The following ADK variants were observed in gnomAD, a reference collection of about 807,000 sequenced individuals.
ADK encodes the protein adenosine kinase.
ADK carries 24 observed loss-of-function variants against 44.7 expected under a neutral mutation model. The ratio of observed to expected loss-of-function variants is 0.54; its 90% CI spans 0.39 to 0.76. ADK has a LOEUF of 0.76. Among genes scored for constraint, ADK ranks in the 30% least tolerant of loss-of-function variants. The probability of loss-of-function intolerance (pLI) is 0.00; values close to 1 mark genes in which losing one functional copy is unlikely to be tolerated. For missense variants in ADK, 321 were observed against 425.1 expected (o/e 0.76, Z 2.15); for synonymous variants, 128 against 142.6 (o/e 0.90, Z 0.73).
intron 9 of ADK, among the ~76,000 whole-genome samples, chr10:74,642,430 T>G (rs1853894352): frequency 6.6e-6 from 1 of 151,306 alleles, no homozygotes; most frequent in Admixed American, 6.6e-5. Context: ...GTTTCAAACT[T>G]CTGGGCTCAA....
At chr10:74,707,082 T>G (rs948528439) in intron 10 of ADK, among the ~76,000 whole-genome samples, 1 of 152,176 alleles carries the variant, frequency 6.6e-6, no homozygotes, top group Non-Finnish European at 1.5e-5. Flanking sequence ...GTTACCCAGG[T>G]TGGGGTGCAG....
At chr10:74,502,292 C>G (rs1450314495) in intron 6 of ADK, among the ~76,000 whole-genome samples, 1 of 151,812 alleles carries the variant, frequency 6.6e-6, no homozygotes, top group Non-Finnish European at 1.5e-5. Flanking sequence ...TAAAAGTAAA[C>G]TAACATAAAA....
chr10:74,406,947 G>A (rs1410049310), intron 6 of ADK, among the ~76,000 whole-genome samples: 2 of 150,984 alleles, frequency 1.3e-5, no homozygotes, highest in African/African-American at 4.9e-5. Context: ...CCAAAGTGCT[G>A]GGATTACAGG....
At chr10:74,625,598 C>A (rs1469487765) in intron 9 of ADK, among the ~76,000 whole-genome samples, 7 of 152,000 alleles carry the variant, frequency 4.6e-5, no homozygotes, top group Middle Eastern at 6.3e-3. Context: ...AGATGAAAAT[C>A]CTTTTTTTAA....
At chr10:74,696,870 G>A (rs1181305133) in intron 10 of ADK, among the ~76,000 whole-genome samples, 1 of 152,124 alleles carries the variant, frequency 6.6e-6, no homozygotes, top group Non-Finnish European at 1.5e-5. Context: ...GATGGCCATG[G>A]AGCTGCTATG....
At chr10:74,606,243 A>G (rs1332620936) in intron 9 of ADK, among the ~76,000 whole-genome samples, 1 of 151,358 alleles carries the variant, frequency 6.6e-6, no homozygotes, top group Non-Finnish European at 1.5e-5. Context: ...TAACTCCTTC[A>G]CCTCTGCTCT....
At chr10:74,497,913 G>A (rs192816872) in intron 6 of ADK, among the ~76,000 whole-genome samples, 7 of 150,816 alleles carry the variant, frequency 4.6e-5, no homozygotes, top group Middle Eastern at 3.4e-3. Flanking sequence ...TTTTTGAGAC[G>A]GAGTCTCACT....
At chr10:74,342,382 CT>C (rs1841609006) in intron 4 of ADK, among the ~76,000 whole-genome samples, 1 of 152,058 alleles carries the variant, frequency 6.6e-6, no homozygotes, top group South Asian at 2.1e-4. Flanking sequence ...ATATTATTTT[CT>C]TTTTGATGCT....
At chr10:74,459,790 CA>C (rs989515364) in intron 6 of ADK, among the ~76,000 whole-genome samples, 1 of 149,790 alleles carries the variant, frequency 6.7e-6, no homozygotes, top group Non-Finnish European at 1.5e-5. Context: ...TCTCTGTAGT[CA>C]AAAGTCAAAC....
At chr10:74,302,119 T>TTTTTTTTTTTTTTTTTG (rs1840072106) in intron 3 of ADK, among the ~76,000 whole-genome samples, 1 of 24,936 alleles carries the variant, frequency 4.0e-5, no homozygotes, top group African/African-American at 1.3e-4. Flanking sequence ...GTTTTTTTTT[T>TTTTTTTTTTTTTTTTTG]TTTTTTTTTT....
chr10:74,307,326 G>C (rs1414331273), intron 3 of ADK, among the ~76,000 whole-genome samples: 1 of 152,188 alleles, frequency 6.6e-6, no homozygotes, highest in Non-Finnish European at 1.5e-5. Flanking sequence ...CAAACTAGCT[G>C]TGTGTTTTAG....
At chr10:74,286,903 T>C (rs1375677700) in intron 3 of ADK, among the ~76,000 whole-genome samples, 1 of 152,152 alleles carries the variant, frequency 6.6e-6, no homozygotes, top group Non-Finnish European at 1.5e-5. Context: ...CCCAGGCTTG[T>C]CTCGAACCCC....
At chr10:74,356,818 G>A (rs1357255037) in intron 4 of ADK, among the ~76,000 whole-genome samples, 1 of 152,192 alleles carries the variant, frequency 6.6e-6, no homozygotes, top group East Asian at 1.9e-4. Flanking sequence ...CACAGTCTAA[G>A]TGTTCTAAGG....
intron 7 of ADK, among the ~76,000 whole-genome samples, chr10:74,541,489 T>A (rs901200928): frequency 1.3e-5 from 2 of 152,196 alleles, no homozygotes; most frequent in Admixed American, 1.3e-4. Flanking sequence ...TCAGTCTTTG[T>A]CTTTATGACC....
At chr10:74,426,795 A>C (rs570844703) in intron 6 of ADK, among the ~76,000 whole-genome samples, 2 of 151,668 alleles carry the variant, frequency 1.3e-5, no homozygotes. Flanking sequence ...TTTTTTTCTT[A>C]TTTTTTTATT....
At position 74,539,371 on chromosome 10, in the gene ADK, A is replaced by G. The variant is rs538550109; in HGVS notation, c.726+13945A>G. 1.3e-5 allele frequency among the ~76,000 whole-genome samples: 2 copies of G among 152,282 alleles called. 1 individual carries two copies. Among genetic ancestry groups the G allele is most frequent in the South Asian group, 4.2e-4 (2 of 4,818 alleles). Reference sequence around the variant, plus strand: ...GATGTGATTTCCAAGTATTTCCAGGAATTCAAGACTGTTACCTAGATCCGT... The same window carrying G: ...GATGTGATTTCCAAGTATTTCCAGGGATTCAAGACTGTTACCTAGATCCGT... On this transcript the variant is annotated intron_variant, in intron 7 of 10. Transcript: ENST00000539909.
At chr10:74,164,502 C>T (rs1841984226) in intron 1 of ADK, among the ~76,000 whole-genome samples, 1 of 152,122 alleles carries the variant, frequency 6.6e-6, no homozygotes, top group South Asian at 2.1e-4. Context: ...CTCCACTGCA[C>T]CACAGCCTGG....
At chr10:74,331,611 A>G (rs1841220405) in intron 4 of ADK, among the ~76,000 whole-genome samples, 2 of 151,952 alleles carry the variant, frequency 1.3e-5, no homozygotes, top group Middle Eastern at 3.2e-3. Context: ...AGGCCTCCCA[A>G]GTAGCTGGTA....
rs746069274 is a variant in ADK at position 74,548,410 on chromosome 10, G to A, written c.726+22984G>A. On this transcript the variant is annotated intron_variant, in intron 7 of 10. Coordinates refer to ENST00000539909, the MANE Select transcript of ADK (RefSeq NM_006721.4). Reference sequence around the variant, plus strand: ...TGGAAATTTGGAAAAGGGGAAAATTGCCAGATAAAGAGGTTGCCAGATTTA... The same window carrying A: ...TGGAAATTTGGAAAAGGGGAAAATTACCAGATAAAGAGGTTGCCAGATTTA... Among the ~76,000 whole-genome samples the A allele has an allele frequency of 2.6e-5, 4 of 152,152 alleles. No homozygotes were observed. The South Asian group carries it at 8.3e-4, about 32-fold the overall frequency.
Sources: allele counts gnomAD v4.1 joint callset (sites outside exome capture counted in the v4.1 genomes callset), GRCh38; gene constraint gnomAD v4.1.1; transcripts MANE v1.5; gene names NCBI Gene and HGNC (gene_info 2026-07-23, HGNC 2026-07-21).